Variants in LRRC37A2 observed in about 807,000 individuals in gnomAD.
LRRC37A2 encodes the protein leucine rich repeat containing 37 member A2.
In LRRC37A2, 9 loss-of-function variants were observed where a neutral mutation model predicts 68.8. The ratio of observed to expected loss-of-function variants is 0.13; its 90% CI spans 0.08 to 0.23. The LOEUF (loss-of-function observed/expected upper bound fraction) is 0.23. LRRC37A2 is among the 10% of genes least tolerant of loss of function. The probability of loss-of-function intolerance (pLI) is 1.00; values close to 1 mark genes in which losing one functional copy is unlikely to be tolerated. For synonymous variants in LRRC37A2, 63 were observed against 367.6 expected, an observed-to-expected ratio of 0.17 and a Z score of 9.48; for missense variants, 168 against 950.4, an observed-to-expected ratio of 0.18 and a Z score of 10.82.
the LRRC37A2 span, chr17:46,768,240 G>A: frequency 5.0e-6 from 8 of 1,600,416 alleles, no homozygotes; most frequent in South Asian, 5.5e-5. This position sits in a 1 kb window ranked among gnomAD's most constrained non-coding sequence, Gnocchi z 5.0. Flanking sequence ...TCGTCAAGAA[G>A]ACGAGATGGG....
chr17:46,779,053 T>TCTCACACACA, the LRRC37A2 span, among the ~76,000 whole-genome samples: 24 of 100,668 alleles, frequency 2.4e-4, no homozygotes, highest in South Asian at 8.0e-4. Context: ...CCCTACCCCA[T>TCTCACACACA]CACACACACA....
chr17:47,014,441 CAT>C, the LRRC37A2 span, among the ~76,000 whole-genome samples: 2 of 150,872 alleles, frequency 1.3e-5, no homozygotes, highest in Admixed American at 6.6e-5. Flanking sequence ...GGTCGGATAA[CAT>C]AGCCAGTGTA....
chr17:46,885,189 A>G, the LRRC37A2 span: 1 of 330,838 alleles, frequency 3.0e-6, no homozygotes, highest in Non-Finnish European at 6.0e-6. Flanking sequence ...TATTTTTAGT[A>G]GAGATGAGGT....
the LRRC37A2 span, among the ~76,000 whole-genome samples, chr17:46,729,252 T>C: frequency 6.6e-6 from 1 of 152,202 alleles, no homozygotes; most frequent in African/African-American, 2.4e-5. Context: ...AGGGAGATTA[T>C]GATATTAATA....
At chr17:47,020,759 G>A in the LRRC37A2 span, among the ~76,000 whole-genome samples, 2 of 73,354 alleles carry the variant, frequency 2.7e-5, no homozygotes, top group Non-Finnish European at 5.3e-5. Flanking sequence ...TCCAGCCTGG[G>A]TGACAGAGCA....
At chr17:47,019,499 G>A in the LRRC37A2 span, 1 of 1,564,894 alleles carries the variant, frequency 6.4e-7, no homozygotes, top group Non-Finnish European at 8.8e-7. Context: ...CTACAGCCCT[G>A]GAGAAGACTA....
At chr17:46,808,271 C>CTGA in the LRRC37A2 span, among the ~76,000 whole-genome samples, 193 of 152,314 alleles carry the variant, frequency 1.3e-3, no homozygotes, top group African/African-American at 4.5e-3. Flanking sequence ...TGAGGACAGC[C>CTGA]TGATGGCTTG....
chr17:46,738,766 G>T, the LRRC37A2 span, among the ~76,000 whole-genome samples: 23,160 of 152,208 alleles, frequency 0.15, 3,475 homozygotes, highest in East Asian at 0.6. Context: ...ATAAATTAAG[G>T]CAGGCAACCA....
At chr17:47,021,988 T>A in the LRRC37A2 span, 1 of 1,400,418 alleles carries the variant, frequency 7.1e-7, no homozygotes, top group Non-Finnish European at 1.0e-6. Flanking sequence ...TGGTCCAGCA[T>A]TTTGAGGTCG....
chr17:47,044,045 C>G, the LRRC37A2 span, among the ~76,000 whole-genome samples: 3 of 50,056 alleles, frequency 6.0e-5, no homozygotes, highest in African/African-American at 2.7e-4. Context: ...GACTCCATCT[C>G]AAAAAAAAAA....
At chr17:46,773,340 G>A in the LRRC37A2 span, among the ~76,000 whole-genome samples, 1 of 152,084 alleles carries the variant, frequency 6.6e-6, no homozygotes, top group Non-Finnish European at 1.5e-5. Context: ...ACCCCAAAGC[G>A]GTATTTGCAT....
chr17:46,844,348 T>C, the LRRC37A2 span, among the ~76,000 whole-genome samples: 1 of 148,138 alleles, frequency 6.8e-6, no homozygotes, highest in Non-Finnish European at 1.5e-5. Context: ...CTCAGCTTAC[T>C]GCTTCCCAGA....
At chr17:46,532,137 G>A (rs2053741636) in intron 6 of LRRC37A2, among the ~76,000 whole-genome samples, 2 of 149,710 alleles carry the variant, frequency 1.3e-5, no homozygotes, top group Non-Finnish European at 1.5e-5. Context: ...AACCTCAGAT[G>A]ATCCACCTGC....
the LRRC37A2 span, among the ~76,000 whole-genome samples, chr17:46,956,274 G>A: frequency 7.9e-6 from 1 of 126,098 alleles, no homozygotes; most frequent in Non-Finnish European, 1.6e-5. Context: ...TGCCTTGCCA[G>A]TCCTTTTTTT....
the LRRC37A2 span, among the ~76,000 whole-genome samples, chr17:46,684,383 T>C: frequency 6.6e-6 from 1 of 150,538 alleles, no homozygotes; most frequent in Non-Finnish European, 1.5e-5. Context: ...GGCATTTGGG[T>C]TGGTTCCAAG....
the LRRC37A2 span, among the ~76,000 whole-genome samples, chr17:46,856,395 G>A: frequency 6.6e-6 from 1 of 152,110 alleles, no homozygotes; most frequent in Non-Finnish European, 1.5e-5. Context: ...TGGTGGAAGT[G>A]TCATTACTAT....
At chr17:46,978,577 G>T in the LRRC37A2 span, 2 of 1,508,976 alleles carry the variant, frequency 1.3e-6, no homozygotes, top group Non-Finnish European at 8.9e-7. Context: ...CGCAGAGAGC[G>T]GGGCGAGGGT....
chr17:46,942,729 T>C, the LRRC37A2 span, among the ~76,000 whole-genome samples: 2 of 152,246 alleles, frequency 1.3e-5, no homozygotes, highest in Non-Finnish European at 2.9e-5. Flanking sequence ...GCCCTATCTG[T>C]GGCTAGTGGG....
At chr17:46,998,010 A>C in the LRRC37A2 span, among the ~76,000 whole-genome samples, 7 of 151,726 alleles carry the variant, frequency 4.6e-5, no homozygotes, top group Non-Finnish European at 7.4e-5. Flanking sequence ...AAAGAGAAAG[A>C]TGGAAGAGGA....
Sources: gnomAD v4.1 joint callset for allele counts (sites outside exome capture counted in the v4.1 genomes callset) on GRCh38, gnomAD v4.1.1 for gene constraint, Gnocchi (gnomAD v3.1) non-coding constraint, MANE v1.5 for transcripts, NCBI Gene and HGNC (gene_info 2026-07-23, HGNC 2026-07-21) for gene names.